The following TLK2 variants were observed in gnomAD, a reference collection of about 807,000 sequenced individuals.
The protein encoded by TLK2 is tousled like kinase 2.
A neutral mutation model predicts 117.3 loss-of-function variants in TLK2; 6 were observed. The ratio of observed to expected loss-of-function variants is 0.05; its 90% confidence interval spans 0.03 to 0.10. The LOEUF is 0.10. Among genes scored for constraint, TLK2 ranks in the 10% least tolerant of loss-of-function variants. The pLI is 1.00. For missense variants in TLK2, 299 were observed against 901.2 expected, an observed-to-expected ratio of 0.33 and a Z score of 8.56; for synonymous variants, 257 against 316.7, an observed-to-expected ratio of 0.81 and a Z score of 2.00.
chr17:62,537,364 G>A (rs1017523306), intron 7 of TLK2, among the ~76,000 whole-genome samples: 1 of 152,184 alleles, frequency 6.6e-6, no homozygotes, highest in African/African-American at 2.4e-5. Flanking sequence ...GAGATACAAC[G>A]CTCCTTGAAT....
At chr17:62,481,335 T>C (rs1400497713) in intron 2 of TLK2, 129 bp downstream of exon 2, 5 of 970,128 alleles carry the variant, frequency 5.2e-6, no homozygotes, top group African/African-American at 1.7e-5. Flanking sequence ...TTAATTTCAG[T>C]GAACTTTTAG....
At chr17:62,520,668 ACT>A in intron 2 of TLK2, 103 bp from the exon 3 acceptor site, 3 of 1,100,322 alleles carry the variant, frequency 2.7e-6, no homozygotes, top group Non-Finnish European at 3.7e-6. Flanking sequence ...TAACAGTGAA[ACT>A]CTGTCTAAAA....
At position 62,482,372 on chromosome 17, in the gene TLK2, G is replaced by A. The variant is rs550349289; in HGVS notation, c.81+1166G>A. Among the ~76,000 whole-genome samples the A allele has an allele frequency of 2.4e-4, 37 of 151,884 alleles. 1 individual carries two copies. Among genetic ancestry groups the A allele is most frequent in the Admixed American group, 2.0e-3 (30 of 15,236 alleles). ...TTAGTAGCTTCTCCAAGGAGAAGGCGTGTTGAGGTTTAGTTGGAAAAATGG... is the reference window on the plus strand; with the variant it reads ...TTAGTAGCTTCTCCAAGGAGAAGGCATGTTGAGGTTTAGTTGGAAAAATGG... On this transcript the variant is annotated intron_variant, in intron 2 of 21. Coordinates refer to ENST00000346027, the MANE Select transcript of TLK2 (RefSeq NM_006852.6).
rs61100480 is a variant in TLK2 at position 62,546,344 on chromosome 17, GTTTTTT to G, written c.532-5947_532-5942del. ...GTTCCCTATTTTGAGTTTGTTGATT[GTTTTTT>G]TTTTTTTTTTACATAATGAAAAGGG... On this transcript the variant is annotated intron_variant, in intron 7 of 21. Coordinates refer to ENST00000346027, the MANE Select transcript of TLK2 (RefSeq NM_006852.6). Among the ~76,000 whole-genome samples, 2 of 23,346 alleles carry G rather than the reference GTTTTTT, an allele frequency of 8.6e-5. 1 individual carries two copies. Among genetic ancestry groups the G allele is most frequent in the South Asian group, 7.2e-3 (2 of 276 alleles). The allele number at this position is 23,346 out of a possible 152,430, so 15.3% of individuals were successfully genotyped here.
intron 2 of TLK2, among the ~76,000 whole-genome samples, chr17:62,513,448 G>A (rs2075321762): frequency 6.7e-6 from 1 of 150,236 alleles, no homozygotes; most frequent in Admixed American, 6.7e-5. Flanking sequence ...CTTCTAATTA[G>A]CTAGGAGCTA....
At chr17:62,524,660 T>A (rs1313221234) in intron 6 of TLK2, among the ~76,000 whole-genome samples, 1 of 152,224 alleles carries the variant, frequency 6.6e-6, no homozygotes, top group African/African-American at 2.4e-5. Flanking sequence ...TATTTTTATT[T>A]TAAAATTTGA....
chr17:62,497,379 CT>C (rs1453870762), intron 2 of TLK2, among the ~76,000 whole-genome samples: 2 of 152,140 alleles, frequency 1.3e-5, no homozygotes, highest in African/African-American at 2.4e-5. Flanking sequence ...GTATTTTTCT[CT>C]TACAGAAAGT....
chr17:62,475,907 G>A (rs527533077), upstream of TLK2, among the ~76,000 whole-genome samples: 4 of 151,948 alleles, frequency 2.6e-5, no homozygotes, highest in Admixed American at 1.3e-4. Flanking sequence ...ATGATCCACC[G>A]CCTCGGCCTC....
intron 11 of TLK2, among the ~76,000 whole-genome samples, chr17:62,570,309 G>A (rs2080176357): frequency 6.6e-6 from 1 of 152,178 alleles, no homozygotes; most frequent in African/African-American, 2.4e-5. Flanking sequence ...GAATGAGATG[G>A]ATTTATTGGG....
At chr17:62,515,394 C>A (rs932010101) in intron 2 of TLK2, among the ~76,000 whole-genome samples, 1 of 152,156 alleles carries the variant, frequency 6.6e-6, no homozygotes, top group African/African-American at 2.4e-5. Context: ...TGAGGAACTG[C>A]CATAGTTTTC....
chr17:62,526,705 G>T (rs563224074), intron 6 of TLK2, among the ~76,000 whole-genome samples: 3 of 152,152 alleles, frequency 2.0e-5, no homozygotes, highest in Admixed American at 6.5e-5. Context: ...TAAATGACAG[G>T]TTACACCATC....
chr17:62,562,497 G>C (rs1392573187), intron 10 of TLK2, among the ~76,000 whole-genome samples: 2 of 152,032 alleles, frequency 1.3e-5, no homozygotes. Flanking sequence ...CAAGAGACTT[G>C]AACAGATAGT....
intron 19 of TLK2, among the ~76,000 whole-genome samples, chr17:62,602,844 C>T (rs913754925): frequency 6.6e-6 from 1 of 152,100 alleles, no homozygotes; most frequent in African/African-American, 2.4e-5. Flanking sequence ...CCATTAGAAC[C>T]ATAAAAGATA....
intron 21 of TLK2, 131 bp downstream of exon 21, chr17:62,608,279 A>AT: frequency 1.4e-6 from 1 of 703,632 alleles, no homozygotes; most frequent in East Asian, 2.8e-5. Flanking sequence ...ATAGGCATGA[A>AT]TTAATGTTCC....
intron 11 of TLK2, among the ~76,000 whole-genome samples, chr17:62,565,922 G>A (rs2079750451): frequency 6.6e-6 from 1 of 152,180 alleles, no homozygotes; most frequent in African/African-American, 2.4e-5. Context: ...GATTATTTAA[G>A]GAGACAGTGT....
chr17:62,539,574 G>T (rs1358142823), intron 7 of TLK2, among the ~76,000 whole-genome samples: 5 of 150,920 alleles, frequency 3.3e-5, no homozygotes, highest in Non-Finnish European at 5.9e-5. Flanking sequence ...CCATCTCCTG[G>T]GCTCAAGCGA....
intron 17 of TLK2, among the ~76,000 whole-genome samples, chr17:62,599,674 C>T (rs530934190): frequency 3.7e-4 from 57 of 152,180 alleles, no homozygotes; most frequent in Non-Finnish European, 7.6e-4. Context: ...TAGGGTGCCT[C>T]ACTGACCAGT....
intron 6 of TLK2, among the ~76,000 whole-genome samples, chr17:62,531,431 C>A (rs1293912863): frequency 6.6e-6 from 1 of 152,134 alleles, no homozygotes; most frequent in East Asian, 1.9e-4. Context: ...ATTTTCAAGC[C>A]TGTCTTTTAT....
chr17:62,486,387 CTT>C (rs2072387257), intron 2 of TLK2, among the ~76,000 whole-genome samples: 2 of 152,102 alleles, frequency 1.3e-5, no homozygotes, highest in Admixed American at 6.6e-5. Context: ...GTCTCTCTCT[CTT>C]GACCTCATGA....
Sources: gnomAD v4.1 joint callset for allele counts (sites outside exome capture counted in the v4.1 genomes callset) on GRCh38, gnomAD v4.1.1 for gene constraint, MANE v1.5 for transcripts, NCBI Gene and HGNC (gene_info 2026-07-23, HGNC 2026-07-21) for gene names.